EXOC6B: variants seen among roughly 807,000 people sequenced by gnomAD.
EXOC6B encodes the protein exocyst complex component 6B, also known as SEC15 homolog B.
In EXOC6B, 54 loss-of-function variants were observed where a neutral mutation model predicts 113.5. The observed-to-expected ratio is 0.48, with a 90% CI of 0.38 to 0.60. The LOEUF is 0.60. Ranked by LOEUF, EXOC6B falls within the 20% of genes least tolerant of loss-of-function variation. The pLI is 0.00. For synonymous variants in EXOC6B, 357 were observed against 339.0 expected, an observed-to-expected ratio of 1.05 and a Z score of -0.58; for missense variants, 797 against 977.5, an observed-to-expected ratio of 0.82 and a Z score of 2.46.
At chr2:72,290,687 G>A (rs1558526545) in intron 20 of EXOC6B, among the ~76,000 whole-genome samples, 1 of 151,624 alleles carries the variant, frequency 6.6e-6, no homozygotes, top group African/African-American at 2.4e-5. Flanking sequence ...AACCAAACTT[G>A]AAAACTATAA....
At chr2:72,781,855 T>C (rs1398247200) in intron 1 of EXOC6B, among the ~76,000 whole-genome samples, 1 of 151,896 alleles carries the variant, frequency 6.6e-6, no homozygotes, top group Admixed American at 6.6e-5. Context: ...ATTGAGTATA[T>C]AGGCCAGGCG....
intron 20 of EXOC6B, among the ~76,000 whole-genome samples, chr2:72,282,933 G>A (rs1685217796): frequency 1.3e-5 from 2 of 152,054 alleles, no homozygotes; most frequent in Non-Finnish European, 2.9e-5. Context: ...GGACTAACAG[G>A]AGAAATAAAT....
intron 6 of EXOC6B, among the ~76,000 whole-genome samples, chr2:72,714,391 C>G: frequency 6.6e-6 from 1 of 152,190 alleles, no homozygotes; most frequent in Non-Finnish European, 1.5e-5. Flanking sequence ...CATACCACAT[C>G]CCTACTGGGC....
intron 6 of EXOC6B, among the ~76,000 whole-genome samples, chr2:72,579,386 A>G (rs1705063649): frequency 6.6e-6 from 1 of 152,206 alleles, no homozygotes; most frequent in Admixed American, 6.5e-5. Flanking sequence ...TACCATTCTT[A>G]GACTGCCCCA....
Position 72,223,128 on chromosome 2 carries a change from C to G in EXOC6B, c.2197-38941G>C, listed in dbSNP as rs538487605. ...TTGGTCACCAGGCTCTGCTCTAATT[C>G]GTTGAAAATGTAGAAGGAGCCCAAC... On this transcript the variant is annotated intron_variant, in intron 20 of 21. Transcript: ENST00000272427. Among the ~76,000 whole-genome samples the G allele has an allele frequency of 2.2e-4, 34 of 152,208 alleles. 1 individual carries two copies. The East Asian group carries it at 5.2e-3, about 23-fold the overall frequency.
At chr2:72,379,606 G>C (rs1164596459) in intron 19 of EXOC6B, 123 bp downstream of exon 19, 3 of 902,642 alleles carry the variant, frequency 3.3e-6, no homozygotes, top group Non-Finnish European at 4.8e-6. Flanking sequence ...AGTTATCTCT[G>C]TTATCTAGGT....
intron 1 of EXOC6B, among the ~76,000 whole-genome samples, chr2:72,796,741 C>G (rs1359808160): frequency 1.3e-4 from 20 of 152,070 alleles, no homozygotes; most frequent in Admixed American, 1.3e-3. Context: ...CATAGGCCCT[C>G]TACCTTGCAC....
At chr2:72,471,573 C>A (rs1432283511) in intron 17 of EXOC6B, among the ~76,000 whole-genome samples, 6 of 152,120 alleles carry the variant, frequency 3.9e-5, no homozygotes, top group Non-Finnish European at 7.4e-5. Context: ...CCTAGGTTTT[C>A]TTCTAGGGTT....
intron 6 of EXOC6B, among the ~76,000 whole-genome samples, chr2:72,604,343 T>C (rs988532567): frequency 4.6e-5 from 7 of 152,226 alleles, no homozygotes; most frequent in Non-Finnish European, 8.8e-5. Context: ...TTGAAATTTT[T>C]ACTTTACCCT....
At chr2:72,482,430 G>A (rs1044098021) in intron 16 of EXOC6B, among the ~76,000 whole-genome samples, 1 of 151,808 alleles carries the variant, frequency 6.6e-6, no homozygotes, top group African/African-American at 2.4e-5. Flanking sequence ...CAGGTAGCGG[G>A]GAGTTTTGGT....
intron 1 of EXOC6B, among the ~76,000 whole-genome samples, chr2:72,755,718 A>G (rs1288402781): frequency 6.6e-6 from 1 of 152,192 alleles, no homozygotes; most frequent in African/African-American, 2.4e-5. Context: ...TTATTTCCCT[A>G]GCTCTCCTCT....
intron 19 of EXOC6B, among the ~76,000 whole-genome samples, chr2:72,355,271 C>T (rs535874838): frequency 1.1e-4 from 16 of 152,136 alleles, no homozygotes; most frequent in South Asian, 4.2e-4. Flanking sequence ...TAAATCTATA[C>T]GTTTCACTGC....
chr2:72,815,292 G>A (rs900576303), intron 1 of EXOC6B, among the ~76,000 whole-genome samples: 26 of 151,878 alleles, frequency 1.7e-4, no homozygotes, highest in Non-Finnish European at 5.9e-5. Context: ...GAGTTCGACA[G>A]CAGCCTGGAC....
intron 16 of EXOC6B, among the ~76,000 whole-genome samples, chr2:72,483,205 G>A (rs1699208020): frequency 6.6e-6 from 1 of 152,150 alleles, no homozygotes; most frequent in Admixed American, 6.5e-5. Context: ...AAATATTTAA[G>A]TTGTGTGAAT....
intron 6 of EXOC6B, among the ~76,000 whole-genome samples, chr2:72,677,149 C>G (rs1676370047): frequency 6.6e-6 from 1 of 152,174 alleles, no homozygotes; most frequent in African/African-American, 2.4e-5. Context: ...GCCCAAATCT[C>G]TAATCTGATT....
At chr2:72,655,550 C>T (rs928135098) in intron 6 of EXOC6B, among the ~76,000 whole-genome samples, 3 of 151,854 alleles carry the variant, frequency 2.0e-5, no homozygotes, top group African/African-American at 7.2e-5. Context: ...AAAACAATTC[C>T]ATTCACATAA....
chr2:72,671,818 A>T (rs376014759), intron 6 of EXOC6B, among the ~76,000 whole-genome samples: 1 of 147,070 alleles, frequency 6.8e-6, no homozygotes, highest in Non-Finnish European at 1.5e-5. Flanking sequence ...AAAGAAAGAA[A>T]GAAGAGAAAA....
At chr2:72,239,496 A>G (rs1372630237) in intron 20 of EXOC6B, among the ~76,000 whole-genome samples, 1 of 152,208 alleles carries the variant, frequency 6.6e-6, no homozygotes, top group African/African-American at 2.4e-5. Context: ...CATAAATGCA[A>G]GAGGTTTTTC....
chr2:72,416,176 T>C (rs1394281853), intron 18 of EXOC6B, among the ~76,000 whole-genome samples: 1 of 152,190 alleles, frequency 6.6e-6, no homozygotes, highest in Non-Finnish European at 1.5e-5. Context: ...TTTGTTTACA[T>C]TTCATTAGAC....
Sources: allele counts gnomAD v4.1 joint callset (sites outside exome capture counted in the v4.1 genomes callset), GRCh38; gene constraint gnomAD v4.1.1; transcripts MANE v1.5; gene names NCBI Gene and HGNC (gene_info 2026-07-23, HGNC 2026-07-21).